Variants in VEPH1 observed in about 807,000 individuals in gnomAD.
VEPH1 encodes the protein ventricular zone expressed PH domain containing 1, also known as ventricular zone-expressed PH domain-containing protein homolog 1.
VEPH1 carries 80 observed loss-of-function variants against 85.2 expected under a neutral mutation model. The ratio of observed to expected loss-of-function variants is 0.94; its 90% CI spans 0.78 to 1.13. The LOEUF is 1.13. Ranked by LOEUF, VEPH1 falls within the 50% of genes most tolerant of loss-of-function variation. VEPH1 has a pLI of 0.00. For synonymous variants in VEPH1, 297 were observed against 348.0 expected (o/e 0.85, Z 1.63); for missense variants, 955 against 980.5 (o/e 0.97, Z 0.35).
intron 7 of VEPH1, among the ~76,000 whole-genome samples, chr3:157,369,182 A>G (rs1167658501): frequency 4.0e-5 from 5 of 123,480 alleles, no homozygotes; most frequent in Admixed American, 1.6e-4. Flanking sequence ...AACCAAATGA[A>G]AAAAAAAAAA....
chr3:157,442,967 GTA>G (rs774627752), intron 4 of VEPH1: 1 of 1,598,416 alleles, frequency 6.3e-7, no homozygotes, highest in Non-Finnish European at 8.5e-7. Flanking sequence ...GAGGAGCTCA[GTA>G]TGTTTCATAA....
At chr3:157,294,651 A>C (rs1047830158) in intron 11 of VEPH1, among the ~76,000 whole-genome samples, 3 of 152,238 alleles carry the variant, frequency 2.0e-5, no homozygotes, top group Admixed American at 6.5e-5. Context: ...GGATGTGAGC[A>C]AAAATTTTTC....
At position 157,428,360 on chromosome 3, in the gene VEPH1, G is replaced by A. The variant is rs149345647; in HGVS notation, c.658C>T (p.Arg220Trp). The A allele has an allele frequency of 3.6e-4, 583 of 1,613,764 alleles. 2 individuals carry two copies. The African/African-American group carries it at 5.4e-3, about 15-fold the overall frequency. The change falls in exon 5 of 14, where the codon CGG (arginine) becomes TGG (tryptophan). Residue 220 changes from arginine to tryptophan, a missense_variant. Arg to Trp is a moderately radical substitution (Grantham distance 101). Transcript: ENST00000362010. ...TTCTTTGCTGCTACATGCAAAAGCC[G>A]TAGTAGATGGTACTGTTCTGGCTGT... ...LEQPEQYHLL[R>W]LLHVAAKKKQ...
intron 9 of VEPH1, among the ~76,000 whole-genome samples, chr3:157,344,517 C>G (rs369379562): frequency 2.0e-5 from 3 of 151,958 alleles, no homozygotes; most frequent in Non-Finnish European, 2.9e-5. Context: ...CACTGCTCAA[C>G]GAAATAAAAG....
rs557210053 is a variant in VEPH1, at chr3:157,319,155, ATAAT to A, written c.1736-1958_1736-1955del. Among the ~76,000 whole-genome samples the A allele has an allele frequency of 1.8e-3, 269 of 152,356 alleles. 2 individuals are homozygous for A. Among genetic ancestry groups the A allele is most frequent in the Middle Eastern group, 0.017 (5 of 294 alleles). On this transcript the variant is annotated intron_variant, in intron 9 of 13. Coordinates refer to ENST00000362010, the MANE Select transcript of VEPH1 (RefSeq NM_001167912.2). ...GTTAGAGATATATACAGAAATGTTA[ATAAT>A]TAATAGCTTTCTGTGATTCTGAAAC...
intron 6 of VEPH1, among the ~76,000 whole-genome samples, chr3:157,393,898 T>A (rs572973581): frequency 6.6e-6 from 1 of 152,354 alleles, no homozygotes; most frequent in East Asian, 1.9e-4. Context: ...TTGTTGTTTG[T>A]TCAGAGCTTG....
At chr3:157,282,843 T>A (rs777455533) in intron 12 of VEPH1, among the ~76,000 whole-genome samples, 2 of 152,172 alleles carry the variant, frequency 1.3e-5, no homozygotes, top group Non-Finnish European at 2.9e-5. Flanking sequence ...CCTTGCTCAA[T>A]CTCCATTCTC....
chr3:157,491,248 T>C (rs980822155), intron 2 of VEPH1, among the ~76,000 whole-genome samples: 1 of 152,088 alleles, frequency 6.6e-6, no homozygotes, highest in Non-Finnish European at 1.5e-5. Context: ...GTGTGTTTCA[T>C]TGTTAAAAGA....
chr3:157,461,026 G>T (rs1032943032), intron 3 of VEPH1, among the ~76,000 whole-genome samples: 7 of 152,054 alleles, frequency 4.6e-5, no homozygotes, highest in African/African-American at 1.7e-4. Flanking sequence ...TGAACAAGTC[G>T]CTTTTTGCCT....
intron 4 of VEPH1, among the ~76,000 whole-genome samples, chr3:157,432,516 C>A (rs570994194): frequency 3.9e-5 from 6 of 151,986 alleles, no homozygotes; most frequent in African/African-American, 1.4e-4. Context: ...ATATGTTTTT[C>A]TTTGTATACA....
chr3:157,277,876 T>C (rs935867636), intron 12 of VEPH1, among the ~76,000 whole-genome samples: 2 of 152,226 alleles, frequency 1.3e-5, no homozygotes, highest in Non-Finnish European at 2.9e-5. Context: ...GTAAATGTCA[T>C]CATATGAATA....
chr3:157,432,525 C>G (rs538595112), intron 4 of VEPH1, among the ~76,000 whole-genome samples: 10 of 151,976 alleles, frequency 6.6e-5, no homozygotes, highest in Non-Finnish European at 7.4e-5. Flanking sequence ...TCTTTGTATA[C>G]AAATAATTTT....
At chr3:157,279,249 C>G (rs1715773817) in intron 12 of VEPH1, among the ~76,000 whole-genome samples, 1 of 152,044 alleles carries the variant, frequency 6.6e-6, no homozygotes, top group Non-Finnish European at 1.5e-5. Flanking sequence ...AGGAAGGAAG[C>G]TAGAGGAGTG....
intron 1 of VEPH1, among the ~76,000 whole-genome samples, chr3:157,497,922 C>T (rs1269916396): frequency 6.6e-6 from 1 of 152,168 alleles, no homozygotes; most frequent in East Asian, 1.9e-4. Flanking sequence ...GAGACTTACA[C>T]ATTATTTTTC....
chr3:157,460,339 G>T lies in VEPH1; in HGVS notation c.371C>A (p.Pro124Gln), dbSNP rs1359560304. Residue 124 changes from proline to glutamine, a missense_variant, in exon 4 of 14, where the codon CCA becomes CAA. Physicochemically the swap from Pro to Gln is moderately conservative, Grantham distance 76 (BLOSUM62 -1). Coordinates refer to ENST00000362010, the MANE Select transcript of VEPH1 (RefSeq NM_001167912.2). ...SCILQNYNRP[P>Q]VMALAIPIAV... ...AATGGGGATGGCTAATGCCATCACT[G>T]GGGGTCGGTTGTAATTCTGAGGAAA... 1.2e-6 allele frequency: 2 copies of T among 1,612,748 alleles called. No homozygotes were observed. The highest frequency in any genetic ancestry group is 1.1e-5 in the South Asian group (1 of 90,940).
At chr3:157,302,227 C>G (rs575444930) in intron 11 of VEPH1, among the ~76,000 whole-genome samples, 13 of 152,330 alleles carry the variant, frequency 8.5e-5, no homozygotes, top group Non-Finnish European at 1.5e-4. Flanking sequence ...ACTCTCTTCT[C>G]TTACCTGGAT....
intron 3 of VEPH1, among the ~76,000 whole-genome samples, chr3:157,462,695 T>C (rs1275451094): frequency 6.6e-6 from 1 of 152,198 alleles, no homozygotes. Context: ...TTTTCTCTGA[T>C]CTTCATATCA....
chr3:157,339,664 A>C (rs1262727166), intron 9 of VEPH1, among the ~76,000 whole-genome samples: 1 of 152,220 alleles, frequency 6.6e-6, no homozygotes, highest in African/African-American at 2.4e-5. Context: ...AAAGTGATAG[A>C]GGGTGGGAAC....
chr3:157,347,800 T>A (rs1234135438), intron 9 of VEPH1, among the ~76,000 whole-genome samples: 1 of 152,200 alleles, frequency 6.6e-6, no homozygotes. Flanking sequence ...TGGAGAATCC[T>A]ACAGTCCTCT....
Sources: gnomAD v4.1 joint callset for allele counts (sites outside exome capture counted in the v4.1 genomes callset) on GRCh38, gnomAD v4.1.1 for gene constraint, MANE v1.5 for transcripts, NCBI Gene and HGNC (gene_info 2026-07-23, HGNC 2026-07-21) for gene names.